Variants in LINGO2 observed in about 807,000 individuals in gnomAD.
The protein encoded by LINGO2 is leucine-rich repeat and immunoglobulin-like domain-containing nogo receptor-interacting protein 2.
A neutral mutation model predicts 30.6 loss-of-function variants in LINGO2; 14 were observed. The ratio of observed to expected loss-of-function variants is 0.46; its 90% CI spans 0.30 to 0.72. LINGO2 has a LOEUF of 0.72. Among genes scored for constraint, LINGO2 ranks in the 30% least tolerant of loss-of-function variants. LINGO2 has a pLI of 0.07. For synonymous variants in LINGO2, 317 were observed against 288.5 expected (o/e 1.10, Z -1.00); for missense variants, 729 against 751.7 (o/e 0.97, Z 0.35).
the LINGO2 span, among the ~76,000 whole-genome samples, chr9:29,145,164 A>G: frequency 1.3e-5 from 2 of 152,180 alleles, no homozygotes; most frequent in Non-Finnish European, 2.9e-5. Flanking sequence ...GCAATAAATC[A>G]TCCTAAGAAT....
intron 4 of LINGO2, among the ~76,000 whole-genome samples, chr9:28,197,747 A>T (rs1820066298): frequency 6.6e-6 from 1 of 152,008 alleles, no homozygotes; most frequent in Non-Finnish European, 1.5e-5. Flanking sequence ...TAGCATAAAA[A>T]TGATCAAATC....
At chr9:28,315,405 G>GAAA (rs11285660) in intron 3 of LINGO2, among the ~76,000 whole-genome samples, 1 of 141,448 alleles carries the variant, frequency 7.1e-6, no homozygotes, top group Admixed American at 7.1e-5. Flanking sequence ...CCGTCTCGGG[G>GAAA]AAAAAAAAAA....
chr9:28,651,022 C>G (rs1232359216), intron 1 of LINGO2, among the ~76,000 whole-genome samples: 1 of 151,698 alleles, frequency 6.6e-6, no homozygotes, highest in Non-Finnish European at 1.5e-5. Flanking sequence ...AACCCTGTCT[C>G]CATTAAAAAT....
chr9:28,224,346 G>A lies in LINGO2; in HGVS notation c.-87+70862C>T, dbSNP rs142943758. On this transcript the variant is annotated intron_variant, in intron 4 of 5. Transcript: ENST00000379992. ...CCCAAAGTGCCGGGATTACAGGCGT[G>A]AGCCACCGCACCTGGCCCAGAATTT... Among the ~76,000 whole-genome samples the A allele has an allele frequency of 4.8e-3, 728 of 152,270 alleles. 2 individuals carry two copies. Among genetic ancestry groups the A allele is most frequent in the African/African-American group, 0.017 (699 of 41,560 alleles).
chr9:28,669,470 T>G (rs1369206149), intron 1 of LINGO2, among the ~76,000 whole-genome samples: 1 of 150,902 alleles, frequency 6.6e-6, no homozygotes. Flanking sequence ...GACTTCTTTG[T>G]TTTTTTTCTC....
chr9:28,712,524 T>C, the LINGO2 span, among the ~76,000 whole-genome samples: 1 of 151,332 alleles, frequency 6.6e-6, no homozygotes, highest in African/African-American at 2.4e-5. Flanking sequence ...TCTACCATTT[T>C]ACAGAAAAAT....
chr9:28,220,217 C>A (rs944623872), intron 4 of LINGO2, among the ~76,000 whole-genome samples: 3 of 152,118 alleles, frequency 2.0e-5, no homozygotes, highest in South Asian at 4.1e-4. Context: ...GTCCTGGAAC[C>A]AATTCCCTGT....
intron 2 of LINGO2, among the ~76,000 whole-genome samples, chr9:28,419,576 A>G (rs1823104972): frequency 6.7e-6 from 1 of 149,750 alleles, no homozygotes; most frequent in Non-Finnish European, 1.5e-5. Flanking sequence ...ATCTCCTATA[A>G]GAACAAAGAA....
the LINGO2 span, among the ~76,000 whole-genome samples, chr9:28,937,693 A>G: frequency 8.5e-5 from 13 of 152,166 alleles, no homozygotes; most frequent in African/African-American, 2.9e-4. Context: ...TGAAACCAGG[A>G]AGGAGACAGC....
At chr9:29,006,461 C>A in the LINGO2 span, among the ~76,000 whole-genome samples, 1 of 151,996 alleles carries the variant, frequency 6.6e-6, no homozygotes, top group African/African-American at 2.4e-5. Context: ...GTCTGGCATA[C>A]AGACTTTTAA....
At chr9:28,861,277 T>G in the LINGO2 span, among the ~76,000 whole-genome samples, 2 of 124,348 alleles carry the variant, frequency 1.6e-5, no homozygotes, top group Non-Finnish European at 3.2e-5. Context: ...ATATAATATT[T>G]ATATATTATA....
At chr9:28,662,968 A>G (rs1449382261) in intron 1 of LINGO2, among the ~76,000 whole-genome samples, 4 of 152,136 alleles carry the variant, frequency 2.6e-5, no homozygotes, top group Non-Finnish European at 5.9e-5. Context: ...AAAGTTTCAC[A>G]CATCAAGGGT....
intron 5 of LINGO2, among the ~76,000 whole-genome samples, chr9:27,970,928 G>A (rs566408244): frequency 2.4e-4 from 36 of 150,922 alleles, no homozygotes; most frequent in South Asian, 1.3e-3. Context: ...GGTGATAACT[G>A]TGTTAATCTA....
intron 2 of LINGO2, among the ~76,000 whole-genome samples, chr9:28,425,091 G>C (rs1193330798): frequency 6.6e-6 from 1 of 151,566 alleles, no homozygotes; most frequent in Non-Finnish European, 1.5e-5. Context: ...TAGTGTTTTT[G>C]ATTAATACAT....
At chr9:28,177,574 A>G (rs188176739) in intron 4 of LINGO2, among the ~76,000 whole-genome samples, 1 of 152,348 alleles carries the variant, frequency 6.6e-6, no homozygotes. Context: ...TTTGTCTATT[A>G]CATGTGATAA....
chr9:28,400,168 A>G (rs1009216), intron 2 of LINGO2, among the ~76,000 whole-genome samples: 16,885 of 152,138 alleles, frequency 0.11, 992 homozygotes, highest in East Asian at 0.21. Flanking sequence ...CCAAGATACA[A>G]TTATACCTTT....
rs181838972 is a variant in LINGO2 at position 28,345,668 on chromosome 9, T to A, written c.-246+27168A>T. ...AAATGAATTTTAGATTGCCTTCAACTCACATTTGAGTTTTGTCCAGTATTC... is the reference window on the plus strand; with the variant it reads ...AAATGAATTTTAGATTGCCTTCAACACACATTTGAGTTTTGTCCAGTATTC... On this transcript the variant is annotated intron_variant, in intron 3 of 5. Transcript: ENST00000379992. Among the ~76,000 whole-genome samples the A allele has an allele frequency of 4.6e-5, 7 of 152,294 alleles. No homozygotes were observed. In the East Asian group the frequency reaches 1.2e-3, roughly 25 times the overall value.
At chr9:28,727,453 T>C in the LINGO2 span, among the ~76,000 whole-genome samples, 6 of 152,144 alleles carry the variant, frequency 3.9e-5, no homozygotes, top group East Asian at 1.2e-3. Context: ...GTCTGGCTAA[T>C]TTTTTTGTAT....
chr9:28,688,474 A>G, the LINGO2 span, among the ~76,000 whole-genome samples: 554 of 152,250 alleles, frequency 3.6e-3, 13 homozygotes, highest in Non-Finnish European at 2.3e-3. Flanking sequence ...CTAAAACCTC[A>G]TGCTGGCAAT....
Sources: gnomAD v4.1 joint callset for allele counts (sites outside exome capture counted in the v4.1 genomes callset) on GRCh38, gnomAD v4.1.1 for gene constraint, MANE v1.5 for transcripts, NCBI Gene and HGNC (gene_info 2026-07-23, HGNC 2026-07-21) for gene names.